Variants in CPEB4 observed in about 807,000 individuals in gnomAD.
The protein encoded by CPEB4 is cytoplasmic polyadenylation element binding protein 4.
A neutral mutation model predicts 72.5 loss-of-function variants in CPEB4; 12 were observed. That is an observed-to-expected ratio of 0.17 (90% CI 0.11 to 0.27). The LOEUF is 0.27. Among genes scored for constraint, CPEB4 ranks in the 10% least tolerant of loss-of-function variants. CPEB4 has a pLI of 1.00. For synonymous variants in CPEB4, 302 were observed against 326.3 expected, an observed-to-expected ratio of 0.93 and a Z score of 0.80; for missense variants, 614 against 908.5, an observed-to-expected ratio of 0.68 and a Z score of 4.17.
In CPEB4 at chr5:173,954,172, T is replaced by G. The variant is rs150030248; in HGVS notation, c.1962+900T>G. Reference sequence around the variant, plus strand: ...GCTAAAATAGATTGATTTTATCGTGTTGTTCTCAATTCAAGATGTAAAAAT... The same window carrying G: ...GCTAAAATAGATTGATTTTATCGTGGTGTTCTCAATTCAAGATGTAAAAAT... On this transcript the variant is annotated intron_variant, in intron 9 of 9. Coordinates refer to ENST00000265085, the MANE Select transcript of CPEB4 (RefSeq NM_030627.4). Among the ~76,000 whole-genome samples the G allele has an allele frequency of 2.7e-3, 415 of 151,720 alleles. 4 individuals are homozygous for G. Among genetic ancestry groups the G allele is most frequent in the African/African-American group, 9.3e-3 (388 of 41,516 alleles).
At chr5:173,905,557 G>C (rs983537221) in intron 1 of CPEB4, among the ~76,000 whole-genome samples, 29 of 152,026 alleles carry the variant, frequency 1.9e-4, no homozygotes, top group Non-Finnish European at 4.4e-5. Context: ...CTGACCTTGT[G>C]ATCTGCCCAC....
intron 8 of CPEB4, 93 bp from the exon 9 acceptor site, chr5:173,952,998 C>T (rs1758260730): frequency 2.2e-6 from 2 of 910,044 alleles, no homozygotes; most frequent in East Asian, 4.9e-5. Context: ...GATGTGAGCT[C>T]AGAGTACAGA....
chr5:173,930,813 C>T (rs1425135163), intron 2 of CPEB4, among the ~76,000 whole-genome samples: 6 of 151,652 alleles, frequency 4.0e-5, no homozygotes, highest in Non-Finnish European at 7.4e-5. Context: ...ACAGTGAAAC[C>T]CCGTCCCTAC....
At chr5:173,937,625 G>A (rs998623152) in intron 3 of CPEB4, among the ~76,000 whole-genome samples, 1 of 152,152 alleles carries the variant, frequency 6.6e-6, no homozygotes, top group South Asian at 2.1e-4. Context: ...AATTGTTGAA[G>A]ATCATACTCA....
At chr5:173,932,612 T>C (rs565723747) in intron 3 of CPEB4, 112 bp downstream of exon 3, 5 of 714,992 alleles carry the variant, frequency 7.0e-6, no homozygotes, top group Non-Finnish European at 1.1e-5. Context: ...TGTAAGTTGC[T>C]ATTAAACTAT....
chr5:173,948,876 AC>A (rs1271010237), intron 5 of CPEB4, among the ~76,000 whole-genome samples: 2 of 152,030 alleles, frequency 1.3e-5, no homozygotes, highest in African/African-American at 4.8e-5. Context: ...AAAGGATTCT[AC>A]CCCCATGACC....
At chr5:173,909,451 TC>T (rs1399406230) in intron 1 of CPEB4, among the ~76,000 whole-genome samples, 2 of 152,144 alleles carry the variant, frequency 1.3e-5, no homozygotes, top group Non-Finnish European at 2.9e-5. Flanking sequence ...AGAGAAAGCC[TC>T]GTGACAGTAA....
At chr5:173,932,914 G>A (rs750188203) in intron 3 of CPEB4, among the ~76,000 whole-genome samples, 17 of 152,176 alleles carry the variant, frequency 1.1e-4, no homozygotes, top group Non-Finnish European at 1.8e-4. Flanking sequence ...ACATTGCATA[G>A]GACAAGGTCA....
At chr5:173,908,487 A>G (rs1581120871) in intron 1 of CPEB4, among the ~76,000 whole-genome samples, 1 of 152,282 alleles carries the variant, frequency 6.6e-6, no homozygotes, top group Non-Finnish European at 1.5e-5. Context: ...ATTAGATTCT[A>G]CCTAAATATA....
chr5:173,932,343 C>A, intron 2 of CPEB4, 107 bp from the exon 3 acceptor site: 1 of 744,016 alleles, frequency 1.3e-6, no homozygotes, highest in South Asian at 1.9e-5. Context: ...TCCTCTGATT[C>A]AAATACCTTG....
rs958918243 is a variant in CPEB4, at chr5:173,950,255, C to A, written c.1665+177C>A. Among the ~76,000 whole-genome samples, 2 of 152,190 alleles carry A rather than the reference C, an allele frequency of 1.3e-5. No homozygotes were observed. The highest frequency in any genetic ancestry group is 2.9e-5 in the Non-Finnish European group (2 of 68,028). ...TGACATTCTGTGTATTTGCACATCT[C>A]AATTTGACATCGAATTTTTGGTTAG... On this transcript the variant is annotated intron_variant, in intron 7 of 9. Transcript: ENST00000265085. The surrounding 1 kb of genome is among the most constrained non-coding windows in gnomAD (Gnocchi z 5.0).
At chr5:173,912,645 A>G (rs1756703446) in intron 2 of CPEB4, among the ~76,000 whole-genome samples, 1 of 150,404 alleles carries the variant, frequency 6.6e-6, no homozygotes, top group African/African-American at 2.4e-5. Flanking sequence ...TTTTTTTTAA[A>G]AAGTTAAGGT....
chr5:173,901,992 G>C (rs1756253734), intron 1 of CPEB4, among the ~76,000 whole-genome samples: 1 of 152,170 alleles, frequency 6.6e-6, no homozygotes, highest in Non-Finnish European at 1.5e-5. Flanking sequence ...TGCCTGTGTA[G>C]GGATGTGAGG....
chr5:173,951,727 T>G, intron 7 of CPEB4, 97 bp from the exon 8 acceptor site: 1 of 720,868 alleles, frequency 1.4e-6, no homozygotes, highest in Non-Finnish European at 2.6e-6. Flanking sequence ...AATCATAGGA[T>G]TATTGCTTTT....
chr5:173,939,798 T>A (rs946121240), intron 3 of CPEB4, among the ~76,000 whole-genome samples: 1 of 151,590 alleles, frequency 6.6e-6, no homozygotes, highest in Admixed American at 6.6e-5. Flanking sequence ...TTCTGAACAT[T>A]AAATTATTGA....
chr5:173,946,566 G>T (rs1758021115), intron 5 of CPEB4, among the ~76,000 whole-genome samples: 2 of 152,136 alleles, frequency 1.3e-5, no homozygotes. Context: ...ACAGACCTTT[G>T]AACACCTGAG....
intron 2 of CPEB4, among the ~76,000 whole-genome samples, chr5:173,929,179 A>G (rs1389620257): frequency 2.6e-5 from 4 of 152,216 alleles, no homozygotes; most frequent in African/African-American, 9.6e-5. Flanking sequence ...GGACAGGGAA[A>G]GTGTTAAAGG....
At chr5:173,914,650 A>G (rs1052742220) in intron 2 of CPEB4, among the ~76,000 whole-genome samples, 2 of 152,058 alleles carry the variant, frequency 1.3e-5, no homozygotes, top group African/African-American at 4.8e-5. Flanking sequence ...CAGTTACTCC[A>G]GAGGGTGAGG....
intron 2 of CPEB4, among the ~76,000 whole-genome samples, chr5:173,925,535 A>G (rs1757213526): frequency 6.6e-6 from 1 of 152,210 alleles, no homozygotes; most frequent in African/African-American, 2.4e-5. Context: ...AAATTATAGA[A>G]CATATTGAAT....
Sources: allele counts gnomAD v4.1 joint callset (sites outside exome capture counted in the v4.1 genomes callset), GRCh38; gene constraint gnomAD v4.1.1; non-coding constraint Gnocchi (gnomAD v3.1); transcripts MANE v1.5; gene names NCBI Gene and HGNC (gene_info 2026-07-23, HGNC 2026-07-21).